Variants in CCDC3 observed in about 807,000 individuals in gnomAD.
CCDC3 encodes the protein coiled-coil domain containing 3.
CCDC3 carries 24 observed loss-of-function variants against 21.4 expected under a neutral mutation model. The ratio of observed to expected loss-of-function variants is 1.12; its 90% CI spans 0.81 to 1.58. The LOEUF (loss-of-function observed/expected upper bound fraction) is 1.58. CCDC3 is among the 40% of genes most tolerant of loss of function. The pLI is 0.00. For synonymous variants in CCDC3, 186 were observed against 166.0 expected, an observed-to-expected ratio of 1.12 and a Z score of -0.93; for missense variants, 425 against 360.9, an observed-to-expected ratio of 1.18 and a Z score of -1.44.
intron 2 of CCDC3, among the ~76,000 whole-genome samples, chr10:12,937,341 G>A (rs866961094): frequency 5.3e-5 from 8 of 152,108 alleles, no homozygotes; most frequent in Non-Finnish European, 8.8e-5. Context: ...CATTTCCTAC[G>A]TAGAGCATTT....
intron 5 of CCDC3, among the ~76,000 whole-genome samples, chr10:13,041,678 C>G (rs1292448744): frequency 6.6e-6 from 1 of 151,888 alleles, no homozygotes; most frequent in African/African-American, 2.4e-5. Flanking sequence ...GGGCATGCCA[C>G]CATGCCCAGC....
At chr10:12,933,458 A>AT (rs61565163) in intron 2 of CCDC3, among the ~76,000 whole-genome samples, 93,201 of 144,544 alleles carry the variant, frequency 0.64, 30,182 homozygotes, top group East Asian at 0.88. Flanking sequence ...TATTCCCTTT[A>AT]TTTTTTTTTT....
At chr10:12,925,587 T>A (rs17152493) in intron 2 of CCDC3, among the ~76,000 whole-genome samples, 1 of 152,186 alleles carries the variant, frequency 6.6e-6, no homozygotes, top group African/African-American at 2.4e-5. Context: ...ATCCCAAAGG[T>A]AAACCCTCTG....
intron 5 of CCDC3, among the ~76,000 whole-genome samples, chr10:13,014,025 C>G (rs765549960): frequency 6.6e-6 from 1 of 152,050 alleles, no homozygotes; most frequent in Non-Finnish European, 1.5e-5. Context: ...GTGGCACACA[C>G]CTGTAATCCC....
At chr10:13,036,716 C>A (rs1388949133) in intron 5 of CCDC3, among the ~76,000 whole-genome samples, 1 of 151,898 alleles carries the variant, frequency 6.6e-6, no homozygotes, top group Non-Finnish European at 1.5e-5. Context: ...AACTCCTGAC[C>A]TCAGGTGATC....
intron 2 of CCDC3, among the ~76,000 whole-genome samples, chr10:12,940,226 A>ATTTTTT (rs869179471): frequency 9.3e-6 from 1 of 107,002 alleles, no homozygotes; most frequent in African/African-American, 3.4e-5. Flanking sequence ...AATCATTGAA[A>ATTTTTT]TTGTTTTTTT....
chr10:12,935,752 G>A lies in CCDC3; in HGVS notation c.550-37073C>T, dbSNP rs555201282. ...GTGATCTCGGCTCACTGCAAGCTCCGCCTCGCAGGTTCACGCCATTCTCCT... is the reference window on the plus strand; with the variant it reads ...GTGATCTCGGCTCACTGCAAGCTCCACCTCGCAGGTTCACGCCATTCTCCT... On this transcript the variant is annotated intron_variant, in intron 2 of 2. Transcript: ENST00000378825. 6.0e-5 allele frequency among the ~76,000 whole-genome samples: 9 copies of A among 150,864 alleles called. No homozygotes were observed. In the South Asian group the frequency reaches 1.5e-3, roughly 25 times the overall value.
chr10:13,072,172 T>C (rs1836891270), intron 4 of CCDC3, among the ~76,000 whole-genome samples: 2 of 152,176 alleles, frequency 1.3e-5, no homozygotes, highest in South Asian at 2.1e-4. Context: ...TGTTTCCTAA[T>C]AACCCAGTTG....
intron 2 of CCDC3, among the ~76,000 whole-genome samples, chr10:12,987,332 G>A (rs1353187004): frequency 6.6e-6 from 1 of 152,190 alleles, no homozygotes; most frequent in Admixed American, 6.5e-5. Context: ...GATTTTCTAT[G>A]TGGATGGAAT....
At chr10:12,961,994 A>G (rs1409513055) in intron 2 of CCDC3, among the ~76,000 whole-genome samples, 3 of 152,204 alleles carry the variant, frequency 2.0e-5, no homozygotes, top group Non-Finnish European at 4.4e-5. Flanking sequence ...ATGGGCAAAC[A>G]TCACATTTTA....
chr10:12,958,042 G>C (rs886328686), intron 2 of CCDC3, among the ~76,000 whole-genome samples: 2 of 151,858 alleles, frequency 1.3e-5, no homozygotes, highest in Non-Finnish European at 2.9e-5. Flanking sequence ...GGCCAGGCTC[G>C]GTTCCAACTC....
intron 2 of CCDC3, among the ~76,000 whole-genome samples, chr10:12,976,544 G>T (rs1324271281): frequency 6.6e-6 from 1 of 152,146 alleles, no homozygotes; most frequent in Non-Finnish European, 1.5e-5. Context: ...CACAAGGGAA[G>T]GTATCTTAGA....
chr10:12,944,221 C>T (rs943903839), intron 2 of CCDC3, among the ~76,000 whole-genome samples: 2 of 152,194 alleles, frequency 1.3e-5, no homozygotes, highest in Admixed American at 6.5e-5. Context: ...CATTGAGAAT[C>T]TCCTTCCCTT....
intron 4 of CCDC3, among the ~76,000 whole-genome samples, chr10:13,073,302 G>T (rs918669477): frequency 6.6e-6 from 1 of 152,168 alleles, no homozygotes; most frequent in African/African-American, 2.4e-5. Context: ...AATAGCTCAA[G>T]AATGCTGTCT....
At position 12,934,340 on chromosome 10, in the gene CCDC3, T is replaced by C. The variant is rs113683645; in HGVS notation, c.550-35661A>G. On this transcript the variant is annotated intron_variant, in intron 2 of 2. Transcript: ENST00000378825. ...TTATATGATCTCTATTCTTTTTGAT[T>C]TTTTAAGGTATGTTTTATGACCCAG... Among the ~76,000 whole-genome samples, 875 of 152,344 alleles carry C rather than the reference T, an allele frequency of 5.7e-3. 8 individuals carry two copies. The highest frequency in any genetic ancestry group is 0.02 in the African/African-American group (825 of 41,578).
chr10:12,999,981 A>G (rs1304301784), intron 1 of CCDC3, among the ~76,000 whole-genome samples: 1 of 152,220 alleles, frequency 6.6e-6, no homozygotes, highest in Non-Finnish European at 1.5e-5. Flanking sequence ...AGCCAACACA[A>G]AGCAAGACGT....
intron 2 of CCDC3, among the ~76,000 whole-genome samples, chr10:12,994,432 G>A (rs1360806434): frequency 1.3e-5 from 2 of 149,450 alleles, no homozygotes; most frequent in East Asian, 1.9e-4. Flanking sequence ...AAAACACCCA[G>A]CACCCAGCAC....
rs562036499 is a variant in CCDC3, at chr10:12,917,786, C to T, written c.550-19107G>A. Among the ~76,000 whole-genome samples, 58 of 152,202 alleles carry T rather than the reference C, an allele frequency of 3.8e-4. 1 individual carries two copies. The South Asian group carries it at 0.011, about 29-fold the overall frequency. ...CATTTCAGATGACTCTTTACTTTAC[C>T]GTAGTCCTTTTGTTGAGTCTGTGGG... On this transcript the variant is annotated intron_variant, in intron 2 of 2. Coordinates refer to ENST00000378825, the MANE Select transcript of CCDC3 (RefSeq NM_031455.4).
At chr10:13,092,189 C>A (rs116878588) in intron 3 of CCDC3, among the ~76,000 whole-genome samples, 2 of 152,094 alleles carry the variant, frequency 1.3e-5, no homozygotes, top group Non-Finnish European at 2.9e-5. Context: ...TTAAACAATT[C>A]GTGAGTATGG....
Sources: allele counts gnomAD v4.1 joint callset (sites outside exome capture counted in the v4.1 genomes callset), GRCh38; gene constraint gnomAD v4.1.1; transcripts MANE v1.5; gene names NCBI Gene and HGNC (gene_info 2026-07-23, HGNC 2026-07-21).